GLIPR1L2: variants seen among roughly 807,000 people sequenced by gnomAD.
The protein encoded by GLIPR1L2 is GLIPR1-like protein 2.
A neutral mutation model predicts 28.4 loss-of-function variants in GLIPR1L2; 21 were observed. The observed-to-expected ratio is 0.74, with a 90% confidence interval of 0.52 to 1.06. GLIPR1L2 has a LOEUF of 1.06. Ranked by LOEUF, GLIPR1L2 falls within the 50% of genes least tolerant of loss-of-function variation. The pLI is 0.00. For missense variants in GLIPR1L2, 476 were observed against 416.9 expected (o/e 1.14, Z -1.23); for synonymous variants, 145 against 139.3 (o/e 1.04, Z -0.29).
Position 75,416,775 on chromosome 12 carries a change from A to G in GLIPR1L2, c.584+3074A>G, listed in dbSNP as rs904586633. Among the ~76,000 whole-genome samples the G allele has an allele frequency of 4.6e-5, 7 of 152,130 alleles. No homozygotes were observed. The South Asian group carries it at 1.2e-3, about 27-fold the overall frequency. ...TTTCTTGCTACTCTCTTATTGCACA[A>G]GCTTCTTTGTCTTGAAATTTGTTAA... On this transcript the variant is annotated intron_variant, in intron 3 of 5. Transcript: ENST00000550916.
At chr12:75,393,331 A>G (rs2045650690) in intron 1 of GLIPR1L2, among the ~76,000 whole-genome samples, 2 of 151,964 alleles carry the variant, frequency 1.3e-5, no homozygotes, top group Admixed American at 1.3e-4. Context: ...CATTACCACC[A>G]CCTATCTCCA....
chr12:75,410,077 ATTG>A (rs1317250001), intron 1 of GLIPR1L2, among the ~76,000 whole-genome samples: 12 of 151,830 alleles, frequency 7.9e-5, no homozygotes, highest in Non-Finnish European at 1.5e-4. Flanking sequence ...AATATTTTAG[ATTG>A]TTGTATTTCT....
intron 1 of GLIPR1L2, among the ~76,000 whole-genome samples, chr12:75,407,899 A>G (rs914979031): frequency 3.9e-5 from 6 of 152,056 alleles, no homozygotes; most frequent in African/African-American, 1.4e-4. Context: ...TCATTGACAC[A>G]TGTATGAGAG....
intron 1 of GLIPR1L2, among the ~76,000 whole-genome samples, chr12:75,398,565 T>C (rs551786431): frequency 1.2e-4 from 18 of 152,122 alleles, no homozygotes; most frequent in Non-Finnish European, 2.2e-4. Context: ...TCCCTTCTTT[T>C]TCTGAGCTGT....
At chr12:75,424,427 T>C (rs554942078) in intron 4 of GLIPR1L2, among the ~76,000 whole-genome samples, 1 of 152,266 alleles carries the variant, frequency 6.6e-6, no homozygotes, top group African/African-American at 2.4e-5. Flanking sequence ...GTTTTTCTCT[T>C]GTAGATTTGT....
At chr12:75,397,786 G>A (rs182277188) in intron 1 of GLIPR1L2, among the ~76,000 whole-genome samples, 2 of 152,182 alleles carry the variant, frequency 1.3e-5, no homozygotes, top group African/African-American at 4.8e-5. Flanking sequence ...GAAGGGTTTG[G>A]TGGTCTGCTT....
Position 75,393,813 on chromosome 12 carries a change from C to A in GLIPR1L2, c.234+2463C>A, listed in dbSNP as rs572961183. ...ATTCTGTTTAATTTTTCAAAGAACC[C>A]CCATTCTGTTTTCCATAGTGGCTGC... On this transcript the variant is annotated intron_variant, in intron 1 of 5. Transcript: ENST00000550916. Among the ~76,000 whole-genome samples the A allele has an allele frequency of 2.0e-5, 3 of 152,028 alleles. No individual in the cohort carries two copies. In the East Asian group the frequency reaches 5.8e-4, roughly 29 times the overall value.
At chr12:75,401,590 A>G (rs1014201156) in intron 1 of GLIPR1L2, among the ~76,000 whole-genome samples, 5 of 152,074 alleles carry the variant, frequency 3.3e-5, no homozygotes, top group Non-Finnish European at 7.4e-5. Context: ...AATCCTGTCA[A>G]TAAGGGATTC....
At chr12:75,424,219 T>G (rs1423075825) in intron 4 of GLIPR1L2, among the ~76,000 whole-genome samples, 4 of 152,216 alleles carry the variant, frequency 2.6e-5, no homozygotes, top group Admixed American at 1.3e-4. Flanking sequence ...CCACATCCTC[T>G]CCAGCATCTG....
At chr12:75,393,352 G>A (rs4583012) in intron 1 of GLIPR1L2, among the ~76,000 whole-genome samples, 52,681 of 151,542 alleles carry the variant, frequency 0.35, 9,542 homozygotes, top group East Asian at 0.47. Flanking sequence ...AAATTTTTTC[G>A]TCTTCCTGAA....
At chr12:75,393,889 C>T (rs1364784374) in intron 1 of GLIPR1L2, among the ~76,000 whole-genome samples, 1 of 151,998 alleles carries the variant, frequency 6.6e-6, no homozygotes, top group Non-Finnish European at 1.5e-5. Flanking sequence ...TTCTCCACAT[C>T]CTTGATAACA....
chr12:75,395,921 G>C (rs1021727089), intron 1 of GLIPR1L2, among the ~76,000 whole-genome samples: 1 of 151,372 alleles, frequency 6.6e-6, no homozygotes, highest in Non-Finnish European at 1.5e-5. Flanking sequence ...TTTGGGTTTT[G>C]TTCAATTTTC....
chr12:75,391,572 A>T (rs1471321335), intron 1 of GLIPR1L2: 3 of 1,485,630 alleles, frequency 2.0e-6, no homozygotes, highest in Non-Finnish European at 2.7e-6. Context: ...GACTAAGGTG[A>T]TGGAGGCACT....
intron 1 of GLIPR1L2, among the ~76,000 whole-genome samples, chr12:75,394,206 GT>G (rs1313681534): frequency 2.0e-5 from 3 of 151,940 alleles, no homozygotes; most frequent in Admixed American, 6.5e-5. Flanking sequence ...CTCCCGTTTT[GT>G]AAGTTGCCTT....
intron 1 of GLIPR1L2, among the ~76,000 whole-genome samples, chr12:75,392,720 T>C (rs1406341012): frequency 6.6e-6 from 1 of 152,084 alleles, no homozygotes; most frequent in Admixed American, 6.5e-5. Context: ...TCATAGGTTT[T>C]CTATCTCATC....
At chr12:75,430,623 G>A in intron 4 of GLIPR1L2, 92 bp from the exon 5 acceptor site, 1 of 1,189,046 alleles carries the variant, frequency 8.4e-7, no homozygotes, top group South Asian at 1.4e-5. Flanking sequence ...TGAGAACTAG[G>A]AGAAAGTGAC....
chr12:75,424,543 T>C (rs1322091548), intron 4 of GLIPR1L2, among the ~76,000 whole-genome samples: 1 of 152,128 alleles, frequency 6.6e-6, no homozygotes, highest in Non-Finnish European at 1.5e-5. Flanking sequence ...ATTCCTGGGC[T>C]CAGGTGATCC....
At chr12:75,393,209 T>A (rs1487484435) in intron 1 of GLIPR1L2, among the ~76,000 whole-genome samples, 1 of 152,078 alleles carries the variant, frequency 6.6e-6, no homozygotes, top group Non-Finnish European at 1.5e-5. Context: ...ACCAAAAAAA[T>A]TGTTGTTTTT....
intron 2 of GLIPR1L2, among the ~76,000 whole-genome samples, chr12:75,411,366 A>C (rs2139943905): frequency 6.6e-6 from 1 of 152,012 alleles, no homozygotes; most frequent in South Asian, 2.1e-4. Flanking sequence ...ATTTACTTAA[A>C]AGTTATTCAA....
Sources: gnomAD v4.1 joint callset for allele counts (sites outside exome capture counted in the v4.1 genomes callset) on GRCh38, gnomAD v4.1.1 for gene constraint, MANE v1.5 for transcripts, NCBI Gene and HGNC (gene_info 2026-07-23, HGNC 2026-07-21) for gene names.